The following MGAT5 variants were observed in gnomAD, a reference collection of about 807,000 sequenced individuals.
The protein encoded by MGAT5 is alpha-1,6-mannosylglycoprotein 6-beta-N-acetylglucosaminyltransferase A.
A neutral mutation model predicts 94.3 loss-of-function variants in MGAT5; 30 were observed. The observed-to-expected ratio is 0.32, with a 90% CI of 0.24 to 0.43. MGAT5 has a LOEUF of 0.43. MGAT5 is among the 20% of genes least tolerant of loss of function. The pLI is 1.00. For synonymous variants in MGAT5, 310 were observed against 322.9 expected (o/e 0.96, Z 0.43); for missense variants, 691 against 905.5 (o/e 0.76, Z 3.04).
At chr2:134,414,946 C>A (rs1346069769) in intron 12 of MGAT5, among the ~76,000 whole-genome samples, 1 of 152,180 alleles carries the variant, frequency 6.6e-6, no homozygotes, top group Non-Finnish European at 1.5e-5. Flanking sequence ...ATGTTGCCGC[C>A]AGTGATGGGA....
intron 2 of MGAT5, among the ~76,000 whole-genome samples, chr2:134,283,742 T>C (rs1256100578): frequency 6.7e-6 from 1 of 149,784 alleles, no homozygotes; most frequent in Non-Finnish European, 1.5e-5. Context: ...CACCGTGAAG[T>C]TGTCATTGGT....
chr2:134,163,111 C>T (rs1015020380), intron 1 of MGAT5, among the ~76,000 whole-genome samples: 1 of 151,942 alleles, frequency 6.6e-6, no homozygotes, highest in African/African-American at 2.4e-5. Context: ...GTTACTACAC[C>T]CAGGAAGGAA....
intron 1 of MGAT5, among the ~76,000 whole-genome samples, chr2:134,205,131 G>A (rs1332636353): frequency 6.6e-6 from 1 of 152,220 alleles, no homozygotes; most frequent in Non-Finnish European, 1.5e-5. Context: ...AAAGAGAGTA[G>A]GAGAGAGGTC....
intron 1 of MGAT5, among the ~76,000 whole-genome samples, chr2:134,195,108 A>G (rs1679434660): frequency 6.6e-6 from 1 of 152,158 alleles, no homozygotes; most frequent in Non-Finnish European, 1.5e-5. Flanking sequence ...TATAATGCAT[A>G]GTGGAGGTTG....
intron 1 of MGAT5, among the ~76,000 whole-genome samples, chr2:134,213,374 G>C (rs1490123105): frequency 6.7e-6 from 1 of 149,760 alleles, no homozygotes; most frequent in Admixed American, 6.7e-5. Flanking sequence ...AAATGAAGAG[G>C]GTCAGTGTCA....
chr2:134,183,406 G>A (rs1049985267), intron 1 of MGAT5, among the ~76,000 whole-genome samples: 3 of 152,226 alleles, frequency 2.0e-5, no homozygotes, highest in African/African-American at 7.2e-5. Context: ...TTTGAAGCTA[G>A]AGTAACTTAC....
chr2:134,426,147 C>T lies in MGAT5; in HGVS notation c.1795-2218C>T, dbSNP rs920541935. Among the ~76,000 whole-genome samples the T allele has an allele frequency of 2.0e-5, 3 of 152,174 alleles. No homozygotes were observed. The East Asian group carries it at 5.8e-4, about 29-fold the overall frequency. ...TCTGAAGAGCTTTCCAATGCAGAAGCCCCTGCCTGCCCTCACCCACAGGGT... is the reference window on the plus strand; with the variant it reads ...TCTGAAGAGCTTTCCAATGCAGAAGTCCCTGCCTGCCCTCACCCACAGGGT... On this transcript the variant is annotated intron_variant, in intron 13 of 15. Coordinates refer to ENST00000281923, the MANE Select transcript of MGAT5 (RefSeq NM_002410.5).
intron 12 of MGAT5, 126 bp from the exon 13 acceptor site, chr2:134,422,677 G>T: frequency 1.5e-6 from 1 of 680,278 alleles, no homozygotes; most frequent in East Asian, 2.6e-5. Context: ...GATCATCAAG[G>T]GGAAGGACAC....
Position 134,181,997 on chromosome 2 carries a change from C to G in MGAT5, c.-143+61706C>G, listed in dbSNP as rs1004524907. 2.0e-5 allele frequency among the ~76,000 whole-genome samples: 3 copies of G among 152,132 alleles called. No homozygotes were observed. In the East Asian group the frequency reaches 5.8e-4, roughly 29 times the overall value. On this transcript the variant is annotated intron_variant, in intron 1 of 16. Transcript: ENST00000409645. ...TCACTTCCCTCATTGTGTGTGATCA[C>G]TAGGAGATTTTATGTGTGATTAAAA...
intron 11 of MGAT5, among the ~76,000 whole-genome samples, chr2:134,408,074 C>T (rs1289075551): frequency 5.9e-5 from 9 of 152,180 alleles, no homozygotes; most frequent in Admixed American, 1.3e-4. Flanking sequence ...CTGTTATAAA[C>T]GGTACCATTT....
intron 1 of MGAT5, among the ~76,000 whole-genome samples, chr2:134,167,659 G>T (rs1159845955): frequency 1.3e-5 from 2 of 152,174 alleles, no homozygotes; most frequent in African/African-American, 4.8e-5. Flanking sequence ...TTAAAATTTT[G>T]ATGACAATAC....
In MGAT5 at chr2:134,169,474, C is replaced by A. The variant is rs114013030; in HGVS notation, c.-143+49183C>A. On this transcript the variant is annotated intron_variant, in intron 1 of 16. Transcript: ENST00000409645. ...AGATTGAATTGTACTTCCATGATAT[C>A]CATCTACAAATGCTTTCACAGCTGA... 7.5e-3 allele frequency among the ~76,000 whole-genome samples: 1,138 copies of A among 151,570 alleles called. 10 individuals carry two copies. The highest frequency in any genetic ancestry group is 0.025 in the African/African-American group (1,045 of 41,284).
intron 2 of MGAT5, among the ~76,000 whole-genome samples, chr2:134,315,690 C>A (rs2105891754): frequency 6.6e-6 from 1 of 152,346 alleles, no homozygotes; most frequent in South Asian, 2.1e-4. Context: ...CCAGGCCAGC[C>A]TCTTGATGGT....
intron 14 of MGAT5, among the ~76,000 whole-genome samples, chr2:134,441,038 A>G (rs1264761676): frequency 2.0e-5 from 3 of 152,176 alleles, no homozygotes; most frequent in Non-Finnish European, 4.4e-5. Flanking sequence ...TGTTAATATC[A>G]ATTAGCCTGT....
intron 2 of MGAT5, among the ~76,000 whole-genome samples, chr2:134,300,437 T>C (rs1685945364): frequency 6.6e-6 from 1 of 152,028 alleles, no homozygotes; most frequent in African/African-American, 2.4e-5. Context: ...TCTGCACATG[T>C]GCGGTTAACC....
At chr2:134,136,481 C>T (rs1686417540) in intron 1 of MGAT5, among the ~76,000 whole-genome samples, 1 of 152,138 alleles carries the variant, frequency 6.6e-6, no homozygotes, top group African/African-American at 2.4e-5. Context: ...GCAGGAGAAT[C>T]ACTTGAATCC....
upstream of MGAT5, among the ~76,000 whole-genome samples, chr2:134,249,168 C>T (rs1362057652): frequency 1.4e-4 from 21 of 152,062 alleles, 1 homozygote; most frequent in Non-Finnish European, 3.1e-4. Context: ...CTGCTCTAAG[C>T]CAAACTCCTC....
rs145930866 is a variant in MGAT5 at position 134,307,095 on chromosome 2, G to A, written c.407-10434G>A. On this transcript the variant is annotated intron_variant, in intron 2 of 15. Coordinates refer to ENST00000281923, the MANE Select transcript of MGAT5 (RefSeq NM_002410.5). ...TTATAGCTTTGTAACTTTAGAGGCC[G>A]ATGGGATGACGGCATTTTGGAATAT... Among the ~76,000 whole-genome samples the A allele has an allele frequency of 7.1e-3, 1,077 of 152,178 alleles. 8 individuals carry two copies. Among genetic ancestry groups the A allele is most frequent in the Non-Finnish European group, 9.2e-3 (624 of 67,992 alleles).
At chr2:134,189,934 C>A (rs1381135345) in intron 1 of MGAT5, among the ~76,000 whole-genome samples, 1 of 152,040 alleles carries the variant, frequency 6.6e-6, no homozygotes, top group Non-Finnish European at 1.5e-5. Flanking sequence ...TTTATTTAGT[C>A]TCATGGCAAT....
Sources: gnomAD v4.1 joint callset for allele counts (sites outside exome capture counted in the v4.1 genomes callset) on GRCh38, gnomAD v4.1.1 for gene constraint, MANE v1.5 for transcripts, NCBI Gene and HGNC (gene_info 2026-07-23, HGNC 2026-07-21) for gene names.